The following LRP1B variants were observed in gnomAD, a reference collection of about 807,000 sequenced individuals.
LRP1B encodes the protein LDL receptor related protein 1B, also known as low-density lipoprotein receptor-related protein 1B.
In LRP1B, 217 loss-of-function variants were observed where a neutral mutation model predicts 556.6. The observed-to-expected ratio is 0.39, with a 90% CI of 0.35 to 0.44. The LOEUF (loss-of-function observed/expected upper bound fraction) is 0.44. LRP1B is among the 20% of genes least tolerant of loss of function. The probability of loss-of-function intolerance (pLI) is 1.00; values close to 1 mark genes in which losing one functional copy is unlikely to be tolerated. For synonymous variants in LRP1B, 2,047 were observed against 1,865.8 expected, an observed-to-expected ratio of 1.10 and a Z score of -2.50; for missense variants, 5,053 against 5,620.8, an observed-to-expected ratio of 0.90 and a Z score of 3.23.
chr2:141,361,466 T>C (rs1279575426), intron 3 of LRP1B, among the ~76,000 whole-genome samples: 1 of 152,152 alleles, frequency 6.6e-6, no homozygotes, highest in Non-Finnish European at 1.5e-5. Flanking sequence ...TCAATCTGCA[T>C]TTCTCAGCAG....
At chr2:142,121,643 T>C (rs557933257) in intron 1 of LRP1B, among the ~76,000 whole-genome samples, 10 of 152,302 alleles carry the variant, frequency 6.6e-5, no homozygotes, top group Admixed American at 5.9e-4. Context: ...CCCAATTGCA[T>C]TGTCCTCAGT....
At chr2:140,345,942 C>T (rs961076606) in intron 77 of LRP1B, among the ~76,000 whole-genome samples, 3 of 149,386 alleles carry the variant, frequency 2.0e-5, no homozygotes, top group Non-Finnish European at 3.0e-5. Flanking sequence ...TTGGCCTTTA[C>T]TCATCTTATC....
At position 142,130,806 on chromosome 2, in the gene LRP1B, G is replaced by A. The variant is rs1236768975; in HGVS notation, c.-77C>T. 8 of 1,166,924 alleles carry A rather than the reference G, an allele frequency of 6.9e-6. 1 individual carries two copies. Among genetic ancestry groups the A allele is most frequent in the Non-Finnish European group, 7.6e-6 (6 of 793,398 alleles). 72.3% of individuals were successfully genotyped at this position (1,166,924 alleles called of 1,614,324 possible). A position where few individuals can be genotyped will look rare whatever the true frequency, so the allele number is the denominator to read the frequency against. ...CGGCCCGGCGGCGGCGGCGGCGGCA[G>A]GGGCCGCTTGGAGCCTGGAATCGAG... On this transcript the variant is annotated 5_prime_UTR_variant, in exon 1 of 91. Coordinates refer to ENST00000389484, the MANE Select transcript of LRP1B (RefSeq NM_018557.3).
intron 41 of LRP1B, among the ~76,000 whole-genome samples, chr2:140,667,791 A>G (rs1021181159): frequency 1.1e-4 from 17 of 152,194 alleles, no homozygotes; most frequent in Admixed American, 3.3e-4. Flanking sequence ...TCTGTAAGAC[A>G]TTAATTACAT....
intron 6 of LRP1B, among the ~76,000 whole-genome samples, chr2:141,227,059 A>G (rs1283586562): frequency 2.0e-5 from 3 of 152,188 alleles, no homozygotes; most frequent in Non-Finnish European, 4.4e-5. Context: ...ACAACAAAAT[A>G]TATGTTTCTA....
intron 1 of LRP1B, among the ~76,000 whole-genome samples, chr2:141,855,047 ATT>A (rs1248189112): frequency 2.6e-5 from 4 of 152,036 alleles, no homozygotes; most frequent in Admixed American, 1.3e-4. Context: ...AATGAACGAA[ATT>A]TTGTTTTCTT....
At chr2:141,046,898 A>G (rs1698886562) in intron 11 of LRP1B, among the ~76,000 whole-genome samples, 1 of 152,062 alleles carries the variant, frequency 6.6e-6, no homozygotes, top group African/African-American at 2.4e-5. Context: ...CCTGGCCAAC[A>G]TGGTGAAACC....
At chr2:140,789,618 CTTTTTTTTTTTTTTTTT>C (rs756120273) in intron 32 of LRP1B, among the ~76,000 whole-genome samples, 1 of 71,766 alleles carries the variant, frequency 1.4e-5, no homozygotes, top group South Asian at 5.2e-4. Context: ...GCTTTAAGGA[CTTTTTTTTTTTTTTTTT>C]TTTTTTTTTT....
chr2:141,675,436 T>G (rs1281959586), intron 2 of LRP1B, among the ~76,000 whole-genome samples: 1 of 151,890 alleles, frequency 6.6e-6, no homozygotes, highest in Non-Finnish European at 1.5e-5. Context: ...AACATAGTAG[T>G]AAGAGGTCAT....
chr2:140,607,406 T>G (rs1403078511), intron 41 of LRP1B, among the ~76,000 whole-genome samples: 5 of 152,050 alleles, frequency 3.3e-5, no homozygotes, highest in African/African-American at 1.2e-4. Context: ...CCAGCTTTTC[T>G]ACTAGTAAAT....
intron 1 of LRP1B, among the ~76,000 whole-genome samples, chr2:141,905,073 A>C (rs570721650): frequency 1.3e-5 from 2 of 152,030 alleles, no homozygotes; most frequent in South Asian, 4.1e-4. Flanking sequence ...GAATAATGGG[A>C]GTCCAGAGGT....
intron 43 of LRP1B, among the ~76,000 whole-genome samples, chr2:140,578,048 C>T (rs1681603559): frequency 6.6e-6 from 1 of 152,108 alleles, no homozygotes; most frequent in South Asian, 2.1e-4. Context: ...TATAAAGTCA[C>T]ATCAGCTTAA....
chr2:141,607,892 C>A (rs1687974037), intron 2 of LRP1B, among the ~76,000 whole-genome samples: 2 of 152,106 alleles, frequency 1.3e-5, no homozygotes, highest in African/African-American at 2.4e-5. Context: ...CACTGCCCTT[C>A]AGCCTGGGTG....
At chr2:140,257,373 ATTC>A (rs1681741155) in intron 86 of LRP1B, among the ~76,000 whole-genome samples, 1 of 152,190 alleles carries the variant, frequency 6.6e-6, no homozygotes, top group Non-Finnish European at 1.5e-5. Flanking sequence ...TTATTTGGTT[ATTC>A]TTACCTAGTG....
intron 8 of LRP1B, among the ~76,000 whole-genome samples, chr2:141,059,283 A>C (rs1699273664): frequency 6.6e-6 from 1 of 151,786 alleles, no homozygotes; most frequent in African/African-American, 2.4e-5. Flanking sequence ...TAGGGACAGA[A>C]TTGTATTCAT....
intron 41 of LRP1B, among the ~76,000 whole-genome samples, chr2:140,619,482 A>G (rs1013357325): frequency 1.3e-5 from 2 of 152,138 alleles, no homozygotes; most frequent in African/African-American, 4.8e-5. Flanking sequence ...GGCACTCAAA[A>G]CCAGATGAAA....
intron 35 of LRP1B, among the ~76,000 whole-genome samples, chr2:140,717,194 C>T (rs556934831): frequency 6.6e-6 from 1 of 152,092 alleles, no homozygotes; most frequent in South Asian, 2.1e-4. Flanking sequence ...CACAGCTATA[C>T]CTATGTCTGA....
intron 29 of LRP1B, among the ~76,000 whole-genome samples, chr2:140,845,267 C>A (rs939321047): frequency 6.6e-6 from 1 of 152,042 alleles, no homozygotes; most frequent in African/African-American, 2.4e-5. Context: ...CATAAGAAAT[C>A]CACTGGTGAT....
intron 2 of LRP1B, among the ~76,000 whole-genome samples, chr2:141,709,019 T>A (rs1251173742): frequency 1.3e-5 from 2 of 152,068 alleles, no homozygotes; most frequent in African/African-American, 4.8e-5. Flanking sequence ...TAATACATTA[T>A]CCTATCAACA....
Sources: allele counts gnomAD v4.1 joint callset (sites outside exome capture counted in the v4.1 genomes callset), GRCh38; gene constraint gnomAD v4.1.1; transcripts MANE v1.5; gene names NCBI Gene and HGNC (gene_info 2026-07-23, HGNC 2026-07-21).